TRIM33: variants seen among roughly 807,000 people sequenced by gnomAD.
The protein encoded by TRIM33 is tripartite motif containing 33, also known as E3 ubiquitin-protein ligase TRIM33.
Under a neutral mutation model 125.4 loss-of-function variants are expected in TRIM33, and 20 were observed. The ratio of observed to expected loss-of-function variants is 0.16; its 90% CI spans 0.11 to 0.23. TRIM33 has a LOEUF of 0.23. Among genes scored for constraint, TRIM33 ranks in the 10% least tolerant of loss-of-function variants. TRIM33 has a pLI of 1.00. For missense variants in TRIM33, 920 were observed against 1,411.4 expected, an observed-to-expected ratio of 0.65 and a Z score of 5.58; for synonymous variants, 564 against 513.9, an observed-to-expected ratio of 1.10 and a Z score of -1.32.
At chr1:114,426,735 GA>G (rs1481979121) in intron 8 of TRIM33, among the ~76,000 whole-genome samples, 1 of 152,064 alleles carries the variant, frequency 6.6e-6, no homozygotes, top group East Asian at 1.9e-4. Flanking sequence ...TCTTCCATGT[GA>G]AAAGAGCTAC....
intron 4 of TRIM33, among the ~76,000 whole-genome samples, chr1:114,448,990 C>T (rs915041119): frequency 3.3e-5 from 5 of 151,742 alleles, no homozygotes; most frequent in African/African-American, 1.2e-4. Context: ...ATTAAAATTG[C>T]TAGGACTTAA....
intron 4 of TRIM33, among the ~76,000 whole-genome samples, chr1:114,446,529 A>G (rs760427052): frequency 6.6e-6 from 1 of 152,216 alleles, no homozygotes; most frequent in Non-Finnish European, 1.5e-5. Context: ...TTAAAATTGC[A>G]TATCACTATC....
chr1:114,428,779 C>A (rs1209111990), intron 6 of TRIM33, among the ~76,000 whole-genome samples: 1 of 151,886 alleles, frequency 6.6e-6, no homozygotes, highest in African/African-American at 2.4e-5. Flanking sequence ...CACTAGAAAA[C>A]ATCTATTTTA....
rs1319546488 is a variant in TRIM33, at chr1:114,427,679, G to A, written c.1302+69C>T. 3 of 1,457,726 alleles carry A rather than the reference G, an allele frequency of 2.1e-6. No homozygotes were observed. The African/African-American group carries it at 4.2e-5, about 21-fold the overall frequency. The allele number at this position is 1,457,726 out of a possible 1,614,324, so 90.3% of individuals were successfully genotyped here. A position where few individuals can be genotyped will look rare whatever the true frequency, so the allele number is the denominator to read the frequency against. ...AAAATTAAAATGTATACTTTAAACAGGTGCAATTCACTGAATATATATCTT... is the reference window on the plus strand; with the variant it reads ...AAAATTAAAATGTATACTTTAAACAAGTGCAATTCACTGAATATATATCTT... On this transcript the variant is annotated intron_variant, in intron 7 of 19. Transcript: ENST00000358465.
intron 1 of TRIM33, among the ~76,000 whole-genome samples, chr1:114,486,336 GA>G (rs1470608816): frequency 6.7e-6 from 1 of 150,090 alleles, no homozygotes; most frequent in South Asian, 2.1e-4. Context: ...GAAAGTTATA[GA>G]AAAAAAAGAC....
chr1:114,416,195 C>T (rs1223745701), intron 11 of TRIM33, among the ~76,000 whole-genome samples: 1 of 152,004 alleles, frequency 6.6e-6, no homozygotes, highest in African/African-American at 2.4e-5. Context: ...GGCCTTGAAC[C>T]TAATAAAAGG....
chr1:114,427,606 G>T, intron 7 of TRIM33, 142 bp downstream of exon 7: 1 of 768,608 alleles, frequency 1.3e-6, no homozygotes, highest in Non-Finnish European at 2.0e-6. Context: ...AACTTTGGGG[G>T]GTGGTGGAAG....
chr1:114,463,157 T>G lies in TRIM33; in HGVS notation c.870A>C (p.Thr290=). 1 of 1,613,250 alleles carries G rather than the reference T, an allele frequency of 6.2e-7. No individual in the cohort carries two copies. The highest frequency in any genetic ancestry group is 1.1e-5 in the South Asian group (1 of 90,860). The part of the protein sequence containing the change: ...KQEQLKLFCE[T]CDRLTCRDCQ... ...AGTCTCTACATGTCAATCTATCACATGTTTCACAGAAAAGTTTCAACTGTT... is the reference window on the plus strand; with the variant it reads ...AGTCTCTACATGTCAATCTATCACAGGTTTCACAGAAAAGTTTCAACTGTT... Residue 290 remains threonine, a synonymous_variant, in exon 4 of 20, where the codon ACA becomes ACC. Coordinates refer to ENST00000358465, the MANE Select transcript of TRIM33 (RefSeq NM_015906.4).
chr1:114,498,029 G>A (rs755718641), intron 1 of TRIM33, among the ~76,000 whole-genome samples: 5 of 151,452 alleles, frequency 3.3e-5, no homozygotes, highest in Non-Finnish European at 7.4e-5. Flanking sequence ...TCCAGAGGCT[G>A]AGGCAGGAGA....
intron 1 of TRIM33, among the ~76,000 whole-genome samples, chr1:114,472,334 T>C (rs957826406): frequency 6.6e-6 from 1 of 152,204 alleles, no homozygotes; most frequent in African/African-American, 2.4e-5. Flanking sequence ...GGAACAATAC[T>C]GTGATTCAAG....
chr1:114,504,168 T>A (rs1652864819), intron 1 of TRIM33, among the ~76,000 whole-genome samples: 1 of 151,998 alleles, frequency 6.6e-6, no homozygotes, highest in Non-Finnish European at 1.5e-5. Flanking sequence ...TTTTTTTATT[T>A]TTTTTATTTT....
intron 1 of TRIM33, chr1:114,490,617 C>A (rs540792703): frequency 6.6e-6 from 1 of 152,042 alleles, no homozygotes; most frequent in South Asian, 2.1e-4. Context: ...TCATAATAGC[C>A]AAAAAAGAGA....
intron 8 of TRIM33, among the ~76,000 whole-genome samples, chr1:114,426,110 G>A (rs1647555526): frequency 1.3e-5 from 2 of 152,146 alleles, no homozygotes; most frequent in Admixed American, 1.3e-4. Flanking sequence ...CCTTTGAATT[G>A]CCAAAATATG....
At chr1:114,405,221 A>G (rs1652158676) in intron 15 of TRIM33, 189 bp downstream of exon 15, 1 of 539,752 alleles carries the variant, frequency 1.9e-6, no homozygotes, top group Non-Finnish European at 3.2e-6. Flanking sequence ...CTTTAACATT[A>G]ATGTACTACT....
chr1:114,400,631 CTTCT>C (rs1219658451), intron 17 of TRIM33, among the ~76,000 whole-genome samples: 4 of 152,326 alleles, frequency 2.6e-5, no homozygotes, highest in African/African-American at 7.2e-5. Flanking sequence ...AAACATCTTC[CTTCT>C]GTCTATACCT....
chr1:114,506,422 T>G (rs929257947), intron 1 of TRIM33, among the ~76,000 whole-genome samples: 8 of 151,560 alleles, frequency 5.3e-5, no homozygotes, highest in Non-Finnish European at 1.2e-4. Flanking sequence ...CCAATGCAAC[T>G]TAATACCAAT....
intron 12 of TRIM33, 140 bp downstream of exon 12, chr1:114,410,044 A>G: frequency 8.9e-7 from 1 of 1,122,242 alleles, no homozygotes; most frequent in Non-Finnish European, 1.3e-6. Flanking sequence ...ATTCCTTAAA[A>G]TAAATCTCTC....
At chr1:114,510,437 C>T in intron 1 of TRIM33, 114 bp downstream of exon 1, 1 of 1,017,282 alleles carries the variant, frequency 9.8e-7, no homozygotes, top group African/African-American at 1.7e-5. Flanking sequence ...CTTAGAGACC[C>T]CTCGGGATGG....
chr1:114,473,885 A>G (rs912155452), intron 1 of TRIM33, among the ~76,000 whole-genome samples: 1 of 152,148 alleles, frequency 6.6e-6, no homozygotes, highest in African/African-American at 2.4e-5. Flanking sequence ...AAAATTAACT[A>G]TATACTGCTA....
Sources: gnomAD v4.1 joint callset for allele counts (sites outside exome capture counted in the v4.1 genomes callset) on GRCh38, gnomAD v4.1.1 for gene constraint, MANE v1.5 for transcripts, NCBI Gene and HGNC (gene_info 2026-07-23, HGNC 2026-07-21) for gene names.